The following PTGER3 variants were observed in gnomAD, a reference collection of about 807,000 sequenced individuals.
PTGER3 encodes the protein prostaglandin E receptor 3.
PTGER3 carries 22 observed loss-of-function variants against 34.7 expected under a neutral mutation model. The observed-to-expected ratio is 0.63, with a 90% CI of 0.45 to 0.91. The LOEUF is 0.91. PTGER3 is among the 40% of genes least tolerant of loss of function. PTGER3 has a pLI of 0.00. For synonymous variants in PTGER3, 241 were observed against 230.1 expected (o/e 1.05, Z -0.43); for missense variants, 468 against 519.4 (o/e 0.90, Z 0.96).
Position 71,014,443 on chromosome 1 carries a change from C to A in PTGER3, c.898-1959G>T, listed in dbSNP as rs60556460. ...TTGAATTATGGTAATAACAGACACC[C>A]AGATGGTACATGTACGGACTGAATG... On this transcript the variant is annotated intron_variant, in intron 1 of 3. Transcript: ENST00000306666. 4.3e-3 allele frequency among the ~76,000 whole-genome samples: 658 copies of A among 152,264 alleles called. 8 individuals are homozygous for A. The highest frequency in any genetic ancestry group is 0.015 in the African/African-American group (619 of 41,544).
chr1:70,893,899 T>G (rs1449544131), intron 4 of PTGER3, among the ~76,000 whole-genome samples: 1 of 152,194 alleles, frequency 6.6e-6, no homozygotes, highest in Non-Finnish European at 1.5e-5. Context: ...TCCAACAATA[T>G]TTATTAAAAA....
chr1:70,913,197 AT>A (rs1303556808), intron 4 of PTGER3, among the ~76,000 whole-genome samples: 2 of 151,728 alleles, frequency 1.3e-5, no homozygotes, highest in African/African-American at 4.8e-5. Flanking sequence ...TCAGTGTACC[AT>A]TTTTTTGTGA....
intron 2 of PTGER3, among the ~76,000 whole-genome samples, chr1:70,991,566 G>A (rs556498476): frequency 4.6e-5 from 7 of 152,144 alleles, no homozygotes; most frequent in African/African-American, 9.7e-5. Context: ...GATGCATTCC[G>A]TGCCTCAGTC....
intron 2 of PTGER3, chr1:71,010,322 A>C (rs1657330264): frequency 1.0e-6 from 1 of 984,724 alleles, no homozygotes; most frequent in Admixed American, 6.2e-5. Context: ...GAAATAATTC[A>C]CTTTATCAGC....
downstream of PTGER3, among the ~76,000 whole-genome samples, chr1:70,969,544 T>C (rs1652872213): frequency 6.6e-6 from 1 of 152,130 alleles, no homozygotes. Flanking sequence ...ATTCAAGGAA[T>C]AGTACAATAC....
intron 4 of PTGER3, among the ~76,000 whole-genome samples, chr1:70,874,518 G>A (rs1194699240): frequency 6.6e-6 from 1 of 151,990 alleles, no homozygotes; most frequent in Non-Finnish European, 1.5e-5. Flanking sequence ...TCAGTGTTAG[G>A]CCTCTCTGTG....
intron 1 of PTGER3, among the ~76,000 whole-genome samples, chr1:71,018,098 A>G: frequency 6.6e-6 from 1 of 152,090 alleles, no homozygotes; most frequent in Middle Eastern, 3.2e-3. Flanking sequence ...TCTCAGGTGG[A>G]CTAATACAGC....
intron 4 of PTGER3, among the ~76,000 whole-genome samples, chr1:70,914,095 C>T (rs1647121790): frequency 6.6e-6 from 1 of 151,350 alleles, no homozygotes; most frequent in South Asian, 2.1e-4. Context: ...ATATAGTATA[C>T]ATATATAGTA....
chr1:71,046,400 A>G (rs919317015), intron 1 of PTGER3, among the ~76,000 whole-genome samples: 1 of 152,110 alleles, frequency 6.6e-6, no homozygotes. Context: ...TTTCAATGAC[A>G]CATCCTGTCT....
At chr1:70,929,414 AAAAT>A (rs1053216018) in intron 4 of PTGER3, among the ~76,000 whole-genome samples, 12 of 150,758 alleles carry the variant, frequency 8.0e-5, no homozygotes, top group Non-Finnish European at 1.5e-4. Context: ...AGAGAATAGA[AAAAT>A]AAAGTACTTA....
At chr1:70,927,335 CA>C (rs1557660911) in intron 4 of PTGER3, among the ~76,000 whole-genome samples, 5 of 152,086 alleles carry the variant, frequency 3.3e-5, no homozygotes. Flanking sequence ...TTGGAACCTA[CA>C]GATAGAACCT....
chr1:70,874,436 G>C (rs1243212447), intron 4 of PTGER3, among the ~76,000 whole-genome samples: 1 of 152,134 alleles, frequency 6.6e-6, no homozygotes, highest in Non-Finnish European at 1.5e-5. Flanking sequence ...CAGCTCCTCT[G>C]GCTGGTTCCT....
At chr1:70,925,798 A>C (rs1648019691) in intron 4 of PTGER3, among the ~76,000 whole-genome samples, 1 of 152,182 alleles carries the variant, frequency 6.6e-6, no homozygotes, top group African/African-American at 2.4e-5. Context: ...AAGGTAGATG[A>C]AACAGTTCTG....
intron 4 of PTGER3, among the ~76,000 whole-genome samples, chr1:70,863,692 A>ATTT (rs11378106): frequency 6.7e-6 from 1 of 148,504 alleles, no homozygotes; most frequent in South Asian, 2.1e-4. Flanking sequence ...TAGCAAATGG[A>ATTT]TTTTTTTTTT....
At chr1:70,862,323 TCA>T in intron 4 of PTGER3, 1 of 1,362,998 alleles carries the variant, frequency 7.3e-7, no homozygotes, top group Non-Finnish European at 9.8e-7. Flanking sequence ...TCAAAATAGT[TCA>T]CAGATACTTC....
At chr1:70,996,199 TGA>T (rs1445526134) in intron 2 of PTGER3, among the ~76,000 whole-genome samples, 8 of 152,170 alleles carry the variant, frequency 5.3e-5, no homozygotes, top group African/African-American at 1.9e-4. Context: ...AACAAAGATG[TGA>T]GTGTCTGGTT....
chr1:70,992,848 C>G (rs1238036367), intron 2 of PTGER3, among the ~76,000 whole-genome samples: 1 of 152,172 alleles, frequency 6.6e-6, no homozygotes, highest in Non-Finnish European at 1.5e-5. Context: ...AGCACAGTGA[C>G]TACCATCTTC....
intron 4 of PTGER3, among the ~76,000 whole-genome samples, chr1:70,933,549 T>C (rs756431654): frequency 6.6e-6 from 1 of 152,236 alleles, no homozygotes; most frequent in Non-Finnish European, 1.5e-5. Context: ...AGCACAGAGA[T>C]GATCTCAGAT....
At chr1:70,873,239 A>G (rs1646201195) in intron 4 of PTGER3, among the ~76,000 whole-genome samples, 1 of 152,234 alleles carries the variant, frequency 6.6e-6, no homozygotes, top group Non-Finnish European at 1.5e-5. Context: ...TTATTCTGCT[A>G]TGTGCCTTCT....
Sources: gnomAD v4.1 joint callset for allele counts (sites outside exome capture counted in the v4.1 genomes callset) on GRCh38, gnomAD v4.1.1 for gene constraint, MANE v1.5 for transcripts, NCBI Gene and HGNC (gene_info 2026-07-23, HGNC 2026-07-21) for gene names.